The following C3orf70 variants were observed in gnomAD, a reference collection of about 807,000 sequenced individuals.
The protein encoded by C3orf70 is chromosome 3 open reading frame 70.
C3orf70 carries 15 observed loss-of-function variants against 20.7 expected under a neutral mutation model. That is an observed-to-expected ratio of 0.72 (90% CI 0.48 to 1.11). The LOEUF is 1.11. Among genes scored for constraint, C3orf70 ranks in the 50% most tolerant of loss-of-function variants. The pLI is 0.00. For synonymous variants in C3orf70, 161 were observed against 125.7 expected (o/e 1.28, Z -1.88); for missense variants, 332 against 317.6 (o/e 1.05, Z -0.34).
intron 1 of C3orf70, among the ~76,000 whole-genome samples, chr3:185,134,678 A>T (rs995580162): frequency 2.0e-5 from 3 of 152,234 alleles, no homozygotes; most frequent in Non-Finnish European, 4.4e-5. Flanking sequence ...CTCCAGCCAA[A>T]CATCAGAGAA....
chr3:185,112,614 TA>T (rs1402837203), intron 1 of C3orf70, among the ~76,000 whole-genome samples: 2 of 152,240 alleles, frequency 1.3e-5, no homozygotes, highest in Admixed American at 6.5e-5. Flanking sequence ...TTTTTACCAT[TA>T]AAAAATTATG....
At chr3:185,147,108 A>G (rs2108608024) in intron 1 of C3orf70, among the ~76,000 whole-genome samples, 1 of 152,302 alleles carries the variant, frequency 6.6e-6, no homozygotes, top group Non-Finnish European at 1.5e-5. Flanking sequence ...CTGCCCATCT[A>G]CCTTTTGCTG....
At chr3:185,132,203 A>C (rs936215175) in intron 1 of C3orf70, among the ~76,000 whole-genome samples, 45 of 152,256 alleles carry the variant, frequency 3.0e-4, no homozygotes, top group African/African-American at 1.1e-3. Context: ...TTTGTGAAAC[A>C]TAAAAATGAG....
rs78559627 is a variant in C3orf70, at chr3:185,135,471, T to C, written c.196+17157A>G. Reference sequence around the variant, plus strand: ...CCCTGTCTCTACTAAAAAATAATAATACAAAAATTAGCCAGAGACTGGGAA... The same window carrying C: ...CCCTGTCTCTACTAAAAAATAATAACACAAAAATTAGCCAGAGACTGGGAA... On this transcript the variant is annotated intron_variant, in intron 1 of 1. Coordinates refer to ENST00000335012, the MANE Select transcript of C3orf70 (RefSeq NM_001025266.3). Among the ~76,000 whole-genome samples, 1,113 of 152,072 alleles carry C rather than the reference T, an allele frequency of 7.3e-3. 20 individuals carry two copies. The highest frequency in any genetic ancestry group is 0.026 in the African/African-American group (1,061 of 41,480).
intron 1 of C3orf70, among the ~76,000 whole-genome samples, chr3:185,090,134 T>C (rs1002147198): frequency 2.6e-5 from 4 of 152,250 alleles, no homozygotes; most frequent in Non-Finnish European, 5.9e-5. Context: ...GTTTAGATCA[T>C]GCTCTATTAG....
chr3:185,149,558 T>C (rs746489469), intron 1 of C3orf70, among the ~76,000 whole-genome samples: 3 of 152,176 alleles, frequency 2.0e-5, no homozygotes, highest in Non-Finnish European at 4.4e-5. Context: ...GTTCAATATA[T>C]GTTCAACAGA....
At chr3:185,108,504 A>G (rs1715993718) in intron 1 of C3orf70, among the ~76,000 whole-genome samples, 1 of 152,182 alleles carries the variant, frequency 6.6e-6, no homozygotes, top group South Asian at 2.1e-4. Context: ...ATTAGAATGC[A>G]CCCTTTTTAC....
intron 1 of C3orf70, among the ~76,000 whole-genome samples, chr3:185,144,384 C>G (rs1716814150): frequency 6.6e-6 from 1 of 152,172 alleles, no homozygotes; most frequent in South Asian, 2.1e-4. Context: ...CTAGTATTTC[C>G]ACTGCTTTTT....
intron 1 of C3orf70, among the ~76,000 whole-genome samples, chr3:185,134,741 T>C (rs2108603658): frequency 6.6e-6 from 1 of 152,296 alleles, no homozygotes; most frequent in African/African-American, 2.4e-5. Context: ...GGGCCAAAGA[T>C]GAACTTCCAC....
At chr3:185,145,715 G>A (rs942512177) in intron 1 of C3orf70, among the ~76,000 whole-genome samples, 11 of 152,300 alleles carry the variant, frequency 7.2e-5, no homozygotes, top group South Asian at 4.1e-4. Flanking sequence ...GGGGTACTAC[G>A]CGTGACCTTG....
chr3:185,108,596 T>C (rs567705074), intron 1 of C3orf70, among the ~76,000 whole-genome samples: 1 of 152,378 alleles, frequency 6.6e-6, no homozygotes, highest in Non-Finnish European at 1.5e-5. Context: ...GCCTAGTTGC[T>C]AAGGCAATAT....
chr3:185,152,495 C>A, intron 1 of C3orf70, 133 bp downstream of exon 1: 2 of 683,046 alleles, frequency 2.9e-6, no homozygotes, highest in Non-Finnish European at 4.3e-6. Flanking sequence ...CCCACGGCGG[C>A]CCCAGCCTCC....
intron 1 of C3orf70, among the ~76,000 whole-genome samples, chr3:185,099,158 G>A (rs922995268): frequency 9.9e-5 from 15 of 152,086 alleles, no homozygotes; most frequent in African/African-American, 3.4e-4. Context: ...CATAATTCAG[G>A]ATATCATCCG....
At chr3:185,099,115 A>C (rs183715197) in intron 1 of C3orf70, among the ~76,000 whole-genome samples, 1 of 152,364 alleles carries the variant, frequency 6.6e-6, no homozygotes, top group Non-Finnish European at 1.5e-5. Flanking sequence ...TTTTAATTTT[A>C]AGACATGGGG....
chr3:185,135,723 G>T (rs904738189), intron 1 of C3orf70, among the ~76,000 whole-genome samples: 4 of 151,000 alleles, frequency 2.6e-5, no homozygotes, highest in South Asian at 4.2e-4. Context: ...TGATCACACA[G>T]TCTATGCATG....
intron 1 of C3orf70, among the ~76,000 whole-genome samples, chr3:185,092,984 C>T (rs1370301819): frequency 6.2e-5 from 6 of 97,166 alleles, no homozygotes; most frequent in Non-Finnish European, 1.3e-4. Flanking sequence ...AGCAAGACTC[C>T]ATCTCAAAAA....
intron 1 of C3orf70, among the ~76,000 whole-genome samples, chr3:185,127,641 T>C (rs757804648): frequency 2.0e-5 from 3 of 152,114 alleles, no homozygotes; most frequent in Non-Finnish European, 2.9e-5. Context: ...GGTTTCCCCA[T>C]GTTGGCTAGG....
intron 1 of C3orf70, among the ~76,000 whole-genome samples, chr3:185,094,073 G>GTTT (rs1402291285): frequency 3.9e-4 from 44 of 112,800 alleles, no homozygotes; most frequent in African/African-American, 6.9e-4. Flanking sequence ...TATACCCTGG[G>GTTT]GTTTTTTTTT....
chr3:185,120,263 T>G (rs988295193), intron 1 of C3orf70, among the ~76,000 whole-genome samples: 1 of 152,174 alleles, frequency 6.6e-6, no homozygotes, highest in Non-Finnish European at 1.5e-5. Context: ...TCAACAAATA[T>G]GTACTATCTG....
Sources: gnomAD v4.1 joint callset for allele counts (sites outside exome capture counted in the v4.1 genomes callset) on GRCh38, gnomAD v4.1.1 for gene constraint, MANE v1.5 for transcripts, NCBI Gene and HGNC (gene_info 2026-07-23, HGNC 2026-07-21) for gene names.